The following ZNG1F variants were observed in gnomAD, a reference collection of about 807,000 sequenced individuals.
The protein encoded by ZNG1F is zinc-regulated GTPase metalloprotein activator 1F.
chr9:41,137,170 G>T, the ZNG1F span, among the ~76,000 whole-genome samples: 1 of 143,236 alleles, frequency 7.0e-6, no homozygotes, highest in Admixed American at 7.3e-5. Context: ...AGGTTGATAG[G>T]TTGTGTCACT....
chr9:41,150,535 A>C, the ZNG1F span, among the ~76,000 whole-genome samples: 1 of 111,860 alleles, frequency 8.9e-6, no homozygotes, highest in African/African-American at 3.5e-5. Flanking sequence ...CAGACACACA[A>C]AAAGACAGCA....
chr9:41,164,948 A>G, the ZNG1F span: 1 of 1,550,406 alleles, frequency 6.4e-7, no homozygotes, highest in African/African-American at 1.4e-5. Context: ...AGTAAAAAAC[A>G]TTCTGTGTAT....
the ZNG1F span, among the ~76,000 whole-genome samples, chr9:41,154,476 A>C: frequency 1.6e-4 from 23 of 139,696 alleles, no homozygotes; most frequent in African/African-American, 5.7e-4. Context: ...GCTACCAATG[A>C]CTTTCTTCAC....
chr9:41,132,355 T>A, the ZNG1F span: 1 of 1,603,920 alleles, frequency 6.2e-7, no homozygotes, highest in South Asian at 1.1e-5. Flanking sequence ...TTGACACCAA[T>A]CCCTGCTCAA....
the ZNG1F span, chr9:41,183,619 C>T: frequency 6.2e-7 from 1 of 1,603,042 alleles, no homozygotes; most frequent in Non-Finnish European, 8.5e-7. Flanking sequence ...TCATAGAGCT[C>T]TCCACCTTGG....
the ZNG1F span, chr9:41,183,642 G>A: frequency 6.2e-7 from 1 of 1,604,402 alleles, no homozygotes; most frequent in African/African-American, 1.4e-5. Flanking sequence ...GACAGCTAAG[G>A]ATTTCTCCAG....
chr9:41,154,591 C>T, the ZNG1F span, among the ~76,000 whole-genome samples: 1 of 144,012 alleles, frequency 6.9e-6, no homozygotes, highest in East Asian at 2.1e-4. Context: ...ATCACACTAC[C>T]TGACTTCAAA....
At chr9:41,132,103 T>C in the ZNG1F span, 51 of 1,549,422 alleles carry the variant, frequency 3.3e-5, 1 homozygote, top group Middle Eastern at 2.4e-4. Flanking sequence ...AGATGAAACA[T>C]TGACCACAAG....
chr9:41,192,914 A>G, the ZNG1F span, among the ~76,000 whole-genome samples: 1 of 151,712 alleles, frequency 6.6e-6, no homozygotes, highest in Non-Finnish European at 1.5e-5. Context: ...ATTCCTCCTC[A>G]TTTAGCTTTG....
the ZNG1F span, among the ~76,000 whole-genome samples, chr9:41,169,679 T>C: frequency 3.6e-4 from 53 of 146,310 alleles, no homozygotes; most frequent in Admixed American, 7.6e-4. Context: ...ATGATGACTG[T>C]AGTTAATTCT....
chr9:41,183,543 C>T, the ZNG1F span: 1 of 1,574,408 alleles, frequency 6.4e-7, no homozygotes, highest in Non-Finnish European at 8.6e-7. Flanking sequence ...AAACCATGTA[C>T]ACAGTAAACA....
chr9:41,144,494 G>C, the ZNG1F span, among the ~76,000 whole-genome samples: 1 of 139,562 alleles, frequency 7.2e-6, no homozygotes, highest in East Asian at 2.2e-4. Context: ...AAGTTTCACA[G>C]GGAAAGGTGC....
chr9:41,155,257 C>T, the ZNG1F span, among the ~76,000 whole-genome samples: 2 of 150,676 alleles, frequency 1.3e-5, no homozygotes, highest in African/African-American at 4.9e-5. Flanking sequence ...TGAAAAAATG[C>T]TCACCATCTC....
the ZNG1F span, among the ~76,000 whole-genome samples, chr9:41,204,350 AGTTT>A: frequency 2.2e-5 from 3 of 137,302 alleles, no homozygotes; most frequent in East Asian, 2.1e-4. Flanking sequence ...TGGACACTTG[AGTTT>A]GTTTATGTAT....
At chr9:41,138,749 T>G in the ZNG1F span, among the ~76,000 whole-genome samples, 1 of 56,872 alleles carries the variant, frequency 1.8e-5, no homozygotes, top group Non-Finnish European at 3.1e-5. Flanking sequence ...CTTCTTCTAC[T>G]TGTTCAATTC....
At chr9:41,186,884 G>T in the ZNG1F span, among the ~76,000 whole-genome samples, 1 of 103,192 alleles carries the variant, frequency 9.7e-6, no homozygotes, top group African/African-American at 3.5e-5. Flanking sequence ...TCCTTTCAAA[G>T]CTTTTTAAGA....
chr9:41,178,538 C>T, the ZNG1F span, among the ~76,000 whole-genome samples: 1 of 12,792 alleles, frequency 7.8e-5, no homozygotes, highest in Non-Finnish European at 1.7e-4. Flanking sequence ...ATGAAAGTAG[C>T]TACACTAAGC....
At chr9:41,149,548 CTTT>C in the ZNG1F span, among the ~76,000 whole-genome samples, 4 of 140,986 alleles carry the variant, frequency 2.8e-5, no homozygotes, top group African/African-American at 5.3e-5. Context: ...ACCTTGATGA[CTTT>C]ATGCTACATG....
chr9:41,150,280 C>T, the ZNG1F span, among the ~76,000 whole-genome samples: 3 of 150,182 alleles, frequency 2.0e-5, no homozygotes, highest in Non-Finnish European at 4.4e-5. Context: ...TAAAAAACCG[C>T]GCACCAGGAG....
Sources: gnomAD v4.1 joint callset for allele counts (sites outside exome capture counted in the v4.1 genomes callset) on GRCh38, gnomAD v4.1.1 for gene constraint, MANE v1.5 for transcripts, NCBI Gene and HGNC (gene_info 2026-07-23, HGNC 2026-07-21) for gene names.